LAMA2: variants seen among roughly 807,000 people sequenced by gnomAD.
The protein encoded by LAMA2 is laminin subunit alpha-2.
LAMA2 carries 269 observed loss-of-function variants against 364.8 expected under a neutral mutation model. The observed-to-expected ratio is 0.74, with a 90% CI of 0.67 to 0.82. LAMA2 has a LOEUF of 0.82. Among genes scored for constraint, LAMA2 ranks in the 40% least tolerant of loss-of-function variants. The probability of loss-of-function intolerance (pLI) is 0.00; values close to 1 mark genes in which losing one functional copy is unlikely to be tolerated. For missense variants in LAMA2, 3,807 were observed against 3,873.2 expected (o/e 0.98, Z 0.45); for synonymous variants, 1,379 against 1,370.6 (o/e 1.01, Z -0.14).
intron 12 of LAMA2, among the ~76,000 whole-genome samples, chr6:129,229,712 C>T (rs1445076283): frequency 6.6e-6 from 1 of 152,082 alleles, no homozygotes; most frequent in Non-Finnish European, 1.5e-5. Context: ...ATTCCAGATA[C>T]ATTTTGAAGG....
chr6:128,971,116 G>A (rs1050095904), intron 1 of LAMA2, among the ~76,000 whole-genome samples: 1 of 152,132 alleles, frequency 6.6e-6, no homozygotes, highest in Non-Finnish European at 1.5e-5. Context: ...GCCTTCCTGT[G>A]CCTGGTACCT....
intron 3 of LAMA2, 133 bp from the exon 4 acceptor site, chr6:129,098,040 T>C (rs1775288533): frequency 1.8e-6 from 2 of 1,089,818 alleles, no homozygotes; most frequent in Non-Finnish European, 2.7e-6. Flanking sequence ...AGTAAAATCA[T>C]TTCAGAGAAC....
intron 20 of LAMA2, chr6:129,292,903 T>G (rs1789813652): frequency 1.0e-6 from 1 of 985,748 alleles, no homozygotes; most frequent in African/African-American, 1.7e-5. Context: ...GGAAGATGTG[T>G]CTGTAAATCA....
At chr6:129,488,268 C>G (rs1436169770) in intron 56 of LAMA2, among the ~76,000 whole-genome samples, 3 of 152,138 alleles carry the variant, frequency 2.0e-5, no homozygotes, top group Non-Finnish European at 1.5e-5. Flanking sequence ...CGAGATCGCA[C>G]CACTGCACTC....
At chr6:129,307,225 G>T (rs1773931888) in intron 22 of LAMA2, among the ~76,000 whole-genome samples, 1 of 152,148 alleles carries the variant, frequency 6.6e-6, no homozygotes, top group Non-Finnish European at 1.5e-5. Context: ...ATACTACCTA[G>T]TTGGTTACTA....
Position 129,330,591 on chromosome 6 carries a change from G to GTTTTTTTTTTTTTTTTTTTTTT in LAMA2, c.4311+2179_4311+2180insTTTTTTTTTTTTTTTTTTTTTT, listed in dbSNP as rs1491387157. Among the ~76,000 whole-genome samples, 19 of 83,810 alleles carry GTTTTTTTTTTTTTTTTTTTTTT rather than the reference G, an allele frequency of 2.3e-4. 1 individual carries two copies. Among genetic ancestry groups the GTTTTTTTTTTTTTTTTTTTTTT allele is most frequent in the Non-Finnish European group, 2.8e-4 (12 of 43,622 alleles). 55.0% of individuals were successfully genotyped at this position (83,810 alleles called of 152,430 possible). On this transcript the variant is annotated intron_variant, in intron 29 of 64. Coordinates refer to ENST00000421865, the MANE Select transcript of LAMA2 (RefSeq NM_000426.4). ...TTGAAGCGTTTTTTTGTTGTTGTTT[G>GTTTTTTTTTTTTTTTTTTTTTT]GTTTTTGTTTTTTTTTTTTTTTTTC... is the stretch of plus-strand genomic sequence containing the variant.
intron 10 of LAMA2, 98 bp downstream of exon 10, chr6:129,177,964 C>A (rs1780709547): frequency 8.3e-7 from 1 of 1,211,412 alleles, no homozygotes; most frequent in Non-Finnish European, 1.2e-6. Context: ...ATTTTAATGA[C>A]TTCTGGAAGT....
intron 37 of LAMA2, among the ~76,000 whole-genome samples, chr6:129,396,614 A>G (rs1439295340): frequency 6.6e-6 from 1 of 152,170 alleles, no homozygotes; most frequent in Non-Finnish European, 1.5e-5. Context: ...AGAGAGGGCT[A>G]AGGGAACTGG....
chr6:129,308,897 C>T lies in LAMA2; in HGVS notation c.3175-3964C>T, dbSNP rs149370258. ...ATGCATTTAAACAACCAGATCTTGCCGGTAGGAACTCATGGTCACAAGGAC... is the reference window on the plus strand; with the variant it reads ...ATGCATTTAAACAACCAGATCTTGCTGGTAGGAACTCATGGTCACAAGGAC... On this transcript the variant is annotated intron_variant, in intron 22 of 64. Coordinates refer to ENST00000421865, the MANE Select transcript of LAMA2 (RefSeq NM_000426.4). Among the ~76,000 whole-genome samples, 1,067 of 152,176 alleles carry T rather than the reference C, an allele frequency of 7.0e-3. 9 individuals are homozygous for T. Among genetic ancestry groups the T allele is most frequent in the African/African-American group, 0.025 (1,019 of 41,522 alleles).
chr6:129,439,721 A>T, intron 42 of LAMA2, among the ~76,000 whole-genome samples: 1 of 151,646 alleles, frequency 6.6e-6, no homozygotes, highest in East Asian at 1.9e-4. Context: ...AACAACAAAG[A>T]TTATAAACAC....
chr6:129,051,396 G>A (rs1054327724), intron 2 of LAMA2, among the ~76,000 whole-genome samples: 6 of 148,696 alleles, frequency 4.0e-5, no homozygotes, highest in Admixed American at 2.0e-4. Context: ...CACTGCAACC[G>A]CCATCTCCCG....
At chr6:128,964,853 T>G (rs1490937609) in intron 1 of LAMA2, among the ~76,000 whole-genome samples, 1 of 152,014 alleles carries the variant, frequency 6.6e-6, no homozygotes, top group Non-Finnish European at 1.5e-5. Flanking sequence ...TCAGGTAGGT[T>G]TGGGTTGCTG....
intron 22 of LAMA2, among the ~76,000 whole-genome samples, chr6:129,305,286 C>T (rs1455615269): frequency 6.6e-6 from 1 of 150,672 alleles, no homozygotes; most frequent in Non-Finnish European, 1.5e-5. Flanking sequence ...TTCACACCAT[C>T]ATCTATTTCA....
chr6:129,096,696 C>T (rs1775209465), intron 3 of LAMA2, among the ~76,000 whole-genome samples: 1 of 152,098 alleles, frequency 6.6e-6, no homozygotes, highest in Admixed American at 6.5e-5. Context: ...GGAGGTTGGG[C>T]AGCAGTGATT....
intron 1 of LAMA2, among the ~76,000 whole-genome samples, chr6:128,935,288 TCCC>T (rs1399516476): frequency 1.5e-5 from 2 of 134,186 alleles, no homozygotes; most frequent in African/African-American, 5.4e-5. Context: ...ATTGTTCAAC[TCCC>T]ACTTATGAGT....
chr6:129,343,977 G>A (rs558368767), intron 30 of LAMA2, among the ~76,000 whole-genome samples: 4 of 152,178 alleles, frequency 2.6e-5, no homozygotes, highest in South Asian at 2.1e-4. Flanking sequence ...GGAACATGGC[G>A]TTCAGACACA....
chr6:129,047,446 A>G (rs1408201399), intron 1 of LAMA2, among the ~76,000 whole-genome samples: 1 of 152,200 alleles, frequency 6.6e-6, no homozygotes, highest in Non-Finnish European at 1.5e-5. Flanking sequence ...CCATTGGCAA[A>G]TCAGGAAAAA....
At chr6:129,464,049 A>G (rs77804311) in intron 49 of LAMA2, among the ~76,000 whole-genome samples, 1 of 152,004 alleles carries the variant, frequency 6.6e-6, no homozygotes, top group Non-Finnish European at 1.5e-5. Flanking sequence ...TTTACAAAAC[A>G]TAAAGCACTT....
intron 1 of LAMA2, among the ~76,000 whole-genome samples, chr6:128,989,767 C>G (rs979518466): frequency 2.0e-5 from 3 of 152,146 alleles, no homozygotes; most frequent in Admixed American, 2.0e-4. Flanking sequence ...ATACCATAAA[C>G]TGGATGGATT....
Sources: gnomAD v4.1 joint callset for allele counts (sites outside exome capture counted in the v4.1 genomes callset) on GRCh38, gnomAD v4.1.1 for gene constraint, MANE v1.5 for transcripts, NCBI Gene and HGNC (gene_info 2026-07-23, HGNC 2026-07-21) for gene names.